The following PCDHGA1 variants were observed in gnomAD, a reference collection of about 807,000 sequenced individuals.
The protein encoded by PCDHGA1 is protocadherin gamma-A1.
Under a neutral mutation model 58.0 loss-of-function variants are expected in PCDHGA1, and 32 were observed. The observed-to-expected ratio is 0.55, with a 90% CI of 0.42 to 0.74. The LOEUF (loss-of-function observed/expected upper bound fraction) is 0.74. Among genes scored for constraint, PCDHGA1 ranks in the 30% least tolerant of loss-of-function variants. The pLI, the probability that PCDHGA1 is intolerant of heterozygous loss-of-function variation, is 0.00. For synonymous variants in PCDHGA1, 498 were observed against 501.1 expected, an observed-to-expected ratio of 0.99 and a Z score of 0.08; for missense variants, 1,205 against 1,182.3, an observed-to-expected ratio of 1.02 and a Z score of -0.28.
At chr5:141,359,409 A>G (rs1243089607) in intron 1 of PCDHGA1, among the ~76,000 whole-genome samples, 4 of 152,002 alleles carry the variant, frequency 2.6e-5, no homozygotes, top group Non-Finnish European at 2.9e-5. Flanking sequence ...TTTTTAAAAA[A>G]TGTGTTTTTG....
chr5:141,485,744 G>T lies in PCDHGA1; in HGVS notation c.2422-9063G>T. 1 of 1,614,226 alleles carries T rather than the reference G, an allele frequency of 6.2e-7. No individual in the cohort carries two copies. Among genetic ancestry groups the T allele is most frequent in the Non-Finnish European group, 8.5e-7 (1 of 1,180,038 alleles). On this transcript the variant is annotated intron_variant, in intron 1 of 3. Transcript: ENST00000517417. The surrounding 1 kb of genome is among the most constrained non-coding windows in gnomAD (Gnocchi z 5.7). ...GAAGAAGCGCAGCGACGGCAGCCTG[G>T]TCCCAGAGCTGCTCCTGGAGAAGCC...
chr5:141,444,001 C>G (rs2098413288), intron 1 of PCDHGA1, among the ~76,000 whole-genome samples: 1 of 151,914 alleles, frequency 6.6e-6, no homozygotes, highest in Non-Finnish European at 1.5e-5. Flanking sequence ...TTAAATGCTA[C>G]CTGGGTATTG....
rs1561471428 is a variant in PCDHGA1, at chr5:141,331,613, A to T, written c.929A>T (p.Glu310Val). The T allele has an allele frequency of 1.2e-6, 2 of 1,614,024 alleles. No individual in the cohort carries two copies. Among genetic ancestry groups the T allele is most frequent in the East Asian group, 4.5e-5 (2 of 44,888 alleles). The part of the protein sequence containing the change: ...EISNKEPLDF[E>V]EYKMYSMEVQ... ...TCAAATAAAGAACCACTAGATTTCGAAGAATACAAAATGTATTCAATGGAA... is the reference window on the plus strand; with the variant it reads ...TCAAATAAAGAACCACTAGATTTCGTAGAATACAAAATGTATTCAATGGAA... Residue 310 changes from glutamate to valine, a missense_variant, in exon 1 of 4, where the codon GAA (glutamate) becomes GTA (valine). Transcript: ENST00000517417.
chr5:141,492,503 A>G (rs1341352458), intron 1 of PCDHGA1, among the ~76,000 whole-genome samples: 1 of 151,188 alleles, frequency 6.6e-6, no homozygotes, highest in Non-Finnish European at 1.5e-5. Context: ...AGGACTCCGG[A>G]GCCTCCTCTC....
chr5:141,366,938 A>G (rs1177560870), intron 1 of PCDHGA1: 1 of 843,674 alleles, frequency 1.2e-6, no homozygotes, highest in Non-Finnish European at 1.8e-6. Flanking sequence ...TGGGAAGTCT[A>G]GCTGATATCT....
intron 1 of PCDHGA1, chr5:141,344,250 C>A: frequency 6.2e-7 from 1 of 1,614,052 alleles, no homozygotes; most frequent in Non-Finnish European, 8.5e-7. Context: ...AGGTAGGACG[C>A]AGCTTTTCTC....
At position 141,351,054 on chromosome 5, in the gene PCDHGA1, A is replaced by C. The variant is rs777091464; in HGVS notation, c.2421+17949A>C. 13 of 1,613,938 alleles carry C rather than the reference A, an allele frequency of 8.1e-6. No individual in the cohort carries two copies. In the Admixed American group the frequency reaches 8.3e-5, roughly 10 times the overall value. ...TCCGTGCTGCGGGTGATGGCCACAG[A>C]CCAGGATGAGGGCATTAATGCAGAG... On this transcript the variant is annotated intron_variant, in intron 1 of 3. Transcript: ENST00000517417.
chr5:141,387,642 C>T lies in PCDHGA1; in HGVS notation c.2421+54537C>T, dbSNP rs554256672. 8.0e-6 allele frequency: 5 copies of T among 622,368 alleles called. No homozygotes were observed. In the South Asian group the frequency reaches 1.1e-4, roughly 14 times the overall value. The allele number at this position is 622,368 out of a possible 1,614,324, so 38.6% of individuals were successfully genotyped here. On this transcript the variant is annotated intron_variant, in intron 1 of 3. Transcript: ENST00000517417. Reference sequence around the variant, plus strand: ...TGCTGACTCTGGGCGCCGCTGTTGGCCAAAGTGGAGAGCTTGGCGCTCCAG... The same window carrying T: ...TGCTGACTCTGGGCGCCGCTGTTGGTCAAAGTGGAGAGCTTGGCGCTCCAG...
intron 1 of PCDHGA1, chr5:141,370,588 A>G (rs766682273): frequency 6.2e-7 from 1 of 1,613,944 alleles, no homozygotes; most frequent in Admixed American, 1.7e-5. Context: ...CCTACTAGGA[A>G]CCTGCGGGTT....
chr5:141,494,785 T>G, intron 1 of PCDHGA1, 22 bp from the exon 2 acceptor site: 1 of 1,614,016 alleles, frequency 6.2e-7, no homozygotes, highest in Non-Finnish European at 8.5e-7. Flanking sequence ...ACTCAGCCCC[T>G]TTCCCTCTGT....
At position 141,330,821 on chromosome 5, in the gene PCDHGA1, G is replaced by T. The variant is rs1166748978; in HGVS notation, c.137G>T (p.Gly46Val). 5 of 1,614,166 alleles carry T rather than the reference G, an allele frequency of 3.1e-6. No individual in the cohort carries two copies. The Admixed American group carries it at 6.7e-5, about 22-fold the overall frequency. ...PEETDKGSFV[G>V]NIAKDLGLQP... ...GAGACAGACAAAGGTTCCTTCGTAG[G>T]CAACATCGCCAAGGACCTAGGGCTG... Residue 46 changes from glycine (G) to valine (V), a missense_variant, in exon 1 of 4, where the codon GGC becomes GTC. Physicochemically the swap from Gly to Val is moderately radical, Grantham distance 109. Transcript: ENST00000517417.
At chr5:141,440,868 T>A (rs1288344051) in intron 1 of PCDHGA1, 1 of 152,150 alleles carries the variant, frequency 6.6e-6, no homozygotes, top group East Asian at 1.9e-4. Flanking sequence ...ATCTAGGATG[T>A]GTACAGCGTC....
chr5:141,398,789 C>G (rs1400897772), intron 1 of PCDHGA1: 5 of 1,613,778 alleles, frequency 3.1e-6, no homozygotes, highest in Non-Finnish European at 4.2e-6. Context: ...GGACATCCAC[C>G]CCTAAGCGGC....
At chr5:141,419,259 C>T (rs765877993) in intron 1 of PCDHGA1, 2 of 1,613,900 alleles carry the variant, frequency 1.2e-6, no homozygotes, top group South Asian at 2.2e-5. Flanking sequence ...AACAACCAGC[C>T]GGGTGCCTCC....
chr5:141,407,505 T>TTTTTTTTTTTTTTTTTGAGACGG (rs1460306566), intron 1 of PCDHGA1, among the ~76,000 whole-genome samples: 2 of 152,146 alleles, frequency 1.3e-5, no homozygotes, highest in African/African-American at 4.8e-5. Flanking sequence ...CTGTTTTTCT[T>TTTTTTTTTTTTTTTTTGAGACGG]AGGCTATGTA....
chr5:141,512,866 AC>A lies in PCDHGA1; in HGVS notation c.*1694del. Reference sequence around the variant, plus strand: ...TATAAGCGCTTCTCTTCGCATAGTCACGTAGCTCCCACCCCACCCTCTTCCT... The same window carrying A: ...TATAAGCGCTTCTCTTCGCATAGTCAGTAGCTCCCACCCCACCCTCTTCCT... On this transcript the variant is annotated 3_prime_UTR_variant, in exon 4 of 4. Transcript: ENST00000517417. 1 of 152,098 alleles carries A rather than the reference AC, an allele frequency of 6.6e-6. No homozygotes were observed. Among genetic ancestry groups the A allele is most frequent in the Non-Finnish European group, 1.5e-5 (1 of 68,034 alleles). 9.4% of individuals were successfully genotyped at this position (152,098 alleles called of 1,614,324 possible).
chr5:141,376,307 G>A, intron 1 of PCDHGA1: 1 of 1,614,192 alleles, frequency 6.2e-7, no homozygotes, highest in East Asian at 2.2e-5. Context: ...GCACTTTGTG[G>A]GCGTGGAAGG....
chr5:141,385,239 C>A lies in PCDHGA1; in HGVS notation c.2421+52134C>A, dbSNP rs367668432. On this transcript the variant is annotated intron_variant, in intron 1 of 3. Transcript: ENST00000517417. ...AGCCCAACTATGTAGACATGCTCAT[C>A]AGCCAGGAGAGCTGTGAGAAAAATG... 4 of 1,613,960 alleles carry A rather than the reference C, an allele frequency of 2.5e-6. No individual in the cohort carries two copies. The African/African-American group carries it at 5.3e-5, about 22-fold the overall frequency.
intron 1 of PCDHGA1, among the ~76,000 whole-genome samples, chr5:141,449,422 C>A (rs1041930577): frequency 4.0e-5 from 6 of 151,724 alleles, no homozygotes; most frequent in Non-Finnish European, 7.4e-5. Flanking sequence ...GCCTGGCCAA[C>A]ATGATAAAAC....
Sources: allele counts gnomAD v4.1 joint callset (sites outside exome capture counted in the v4.1 genomes callset), GRCh38; gene constraint gnomAD v4.1.1; non-coding constraint Gnocchi (gnomAD v3.1); transcripts MANE v1.5; gene names NCBI Gene and HGNC (gene_info 2026-07-23, HGNC 2026-07-21).